The following SIK2 variants were observed in gnomAD, a reference collection of about 807,000 sequenced individuals.
SIK2 encodes serine/threonine-protein kinase SIK2.
A neutral mutation model predicts 103.2 loss-of-function variants in SIK2; 29 were observed. That is an observed-to-expected ratio of 0.28 (90% confidence interval 0.21 to 0.38). The LOEUF (loss-of-function observed/expected upper bound fraction) is 0.38, where lower values mean the gene tolerates loss of function less well. SIK2 is among the 10% of genes least tolerant of loss of function. SIK2 has a pLI of 1.00. For missense variants in SIK2, 879 were observed against 1,171.0 expected (o/e 0.75, Z 3.64); for synonymous variants, 412 against 446.1 (o/e 0.92, Z 0.96).
chr11:111,623,681 G>A (rs1186833987), intron 3 of SIK2, among the ~76,000 whole-genome samples: 1 of 152,172 alleles, frequency 6.6e-6, no homozygotes, highest in East Asian at 1.9e-4. Flanking sequence ...ACCATTCCTG[G>A]CTTTGTGTAA....
intron 4 of SIK2, among the ~76,000 whole-genome samples, chr11:111,698,612 C>G (rs1406480580): frequency 6.6e-6 from 1 of 152,166 alleles, no homozygotes; most frequent in South Asian, 2.1e-4. Context: ...TGTGGTGGAG[C>G]ACACCTGTGC....
intron 14 of SIK2, 109 bp from the exon 15 acceptor site, chr11:111,723,385 TGA>T (rs1353729817): frequency 4.2e-6 from 5 of 1,204,612 alleles, no homozygotes; most frequent in Admixed American, 2.5e-5. Flanking sequence ...TTTGCTGACA[TGA>T]GAGAGACTTA....
At chr11:111,666,603 T>C (rs1942545765) in intron 3 of SIK2, among the ~76,000 whole-genome samples, 1 of 152,200 alleles carries the variant, frequency 6.6e-6, no homozygotes, top group African/African-American at 2.4e-5. Context: ...CTAAAATAAA[T>C]CTAGACACTT....
chr11:111,664,935 A>G (rs947233826), intron 3 of SIK2, among the ~76,000 whole-genome samples: 2 of 152,122 alleles, frequency 1.3e-5, no homozygotes, highest in Admixed American at 1.3e-4. Flanking sequence ...AGACAATTCT[A>G]AGAATTTACA....
chr11:111,617,784 G>T (rs1941826748), intron 2 of SIK2, among the ~76,000 whole-genome samples: 1 of 81,314 alleles, frequency 1.2e-5, no homozygotes, highest in Non-Finnish European at 2.5e-5. Context: ...AATGGCACAT[G>T]TATGCAATGT....
chr11:111,708,224 A>G (rs1341684711), intron 8 of SIK2, among the ~76,000 whole-genome samples: 6 of 152,032 alleles, frequency 3.9e-5, no homozygotes, highest in Non-Finnish European at 7.4e-5. Context: ...TCTACTAAAA[A>G]CAAAAAAATT....
chr11:111,635,514 C>T (rs1942097978), intron 3 of SIK2, among the ~76,000 whole-genome samples: 2 of 148,548 alleles, frequency 1.3e-5, no homozygotes, highest in Admixed American at 6.7e-5. Context: ...AAATGAGTAA[C>T]TTGACCACTG....
intron 3 of SIK2, among the ~76,000 whole-genome samples, chr11:111,668,325 A>G (rs1271950451): frequency 6.6e-6 from 1 of 152,232 alleles, no homozygotes; most frequent in African/African-American, 2.4e-5. Flanking sequence ...GTATGATTAT[A>G]TGCCATAATT....
Position 111,602,461 on chromosome 11 carries a change from A to C in SIK2, c.-103A>C. ...GGGAGCGGGAGGGAAGGAGCGAAGG[A>C]GCGAAGGAGCAAGCGGAGCGGCCGT... On this transcript the variant is annotated 5_prime_UTR_variant, in exon 1 of 15. Transcript: ENST00000304987. The surrounding 1 kb of genome is among the most constrained non-coding windows in gnomAD (Gnocchi z 4.5). 1 of 1,266,752 alleles carries C rather than the reference A, an allele frequency of 7.9e-7. No homozygotes were observed. The highest frequency in any genetic ancestry group is 1.0e-6 in the Non-Finnish European group (1 of 977,334). The allele number at this position is 1,266,752 out of a possible 1,614,324, so 78.5% of individuals were successfully genotyped here. A position where few individuals can be genotyped will look rare whatever the true frequency, so the allele number is the denominator to read the frequency against.
chr11:111,685,754 G>A (rs1591615151), intron 3 of SIK2, among the ~76,000 whole-genome samples: 1 of 152,278 alleles, frequency 6.6e-6, no homozygotes, highest in South Asian at 2.1e-4. Flanking sequence ...GGAGGCTGAG[G>A]TGGAAGGATT....
intron 3 of SIK2, among the ~76,000 whole-genome samples, chr11:111,640,608 A>C (rs1231007622): frequency 6.6e-6 from 1 of 151,526 alleles, no homozygotes; most frequent in Non-Finnish European, 1.5e-5. Context: ...GTATTTGAGG[A>C]GGAGGGTACT....
At chr11:111,633,649 G>C (rs893068310) in intron 3 of SIK2, among the ~76,000 whole-genome samples, 2 of 152,092 alleles carry the variant, frequency 1.3e-5, no homozygotes, top group Admixed American at 1.3e-4. Flanking sequence ...AGTGCTTACT[G>C]GTAGTTACCA....
intron 3 of SIK2, among the ~76,000 whole-genome samples, chr11:111,648,164 T>G (rs999852772): frequency 8.5e-5 from 13 of 152,170 alleles, no homozygotes; most frequent in African/African-American, 2.7e-4. Flanking sequence ...AACATAGTTG[T>G]AGAATACTAT....
chr11:111,617,861 TACACAC>T (rs141114587), intron 2 of SIK2, among the ~76,000 whole-genome samples: 1 of 148,148 alleles, frequency 6.8e-6, no homozygotes, highest in African/African-American at 2.5e-5. Context: ...TATATATATA[TACACAC>T]ACACACACAC....
rs112377118 is a variant in SIK2, at chr11:111,628,416, A to ATCTT, written c.316+8048_316+8051dup. Among the ~76,000 whole-genome samples the ATCTT allele has an allele frequency of 9.3e-3, 1,164 of 125,672 alleles. 30 individuals are homozygous for ATCTT. The highest frequency in any genetic ancestry group is 0.028 in the African/African-American group (1,084 of 38,326). 82.4% of individuals were successfully genotyped at this position (125,672 alleles called of 152,430 possible). ...CCTCTTTAGAGGCAACCGCTTTCAT[A>ATCTT]TCTTTCTTTCTTTCTTTCTTTCTTT... On this transcript the variant is annotated intron_variant, in intron 3 of 14. Coordinates refer to ENST00000304987, the MANE Select transcript of SIK2 (RefSeq NM_015191.3).
chr11:111,659,116 T>C (rs1942434387), intron 3 of SIK2, among the ~76,000 whole-genome samples: 1 of 152,248 alleles, frequency 6.6e-6, no homozygotes, highest in Admixed American at 6.5e-5. Flanking sequence ...TGATCATTTT[T>C]TCATTTTTAT....
intron 3 of SIK2, among the ~76,000 whole-genome samples, chr11:111,640,932 C>T (rs1942175071): frequency 6.6e-6 from 1 of 151,780 alleles, no homozygotes. Flanking sequence ...GACGGGGTTT[C>T]ACCATGTTAG....
chr11:111,654,247 A>T (rs1942363445), intron 3 of SIK2, among the ~76,000 whole-genome samples: 1 of 152,210 alleles, frequency 6.6e-6, no homozygotes, highest in African/African-American at 2.4e-5. Flanking sequence ...CTTATGGAAA[A>T]ATCATAAAAA....
At chr11:111,675,121 CTA>C (rs1942685554) in intron 3 of SIK2, among the ~76,000 whole-genome samples, 1 of 152,196 alleles carries the variant, frequency 6.6e-6, no homozygotes, top group African/African-American at 2.4e-5. Context: ...TATTCTTTGT[CTA>C]TGAGTCATTT....
Sources: allele counts gnomAD v4.1 joint callset (sites outside exome capture counted in the v4.1 genomes callset), GRCh38; gene constraint gnomAD v4.1.1; non-coding constraint Gnocchi (gnomAD v3.1); transcripts MANE v1.5; gene names NCBI Gene and HGNC (gene_info 2026-07-23, HGNC 2026-07-21).